Variants in AUTS2 observed in about 807,000 individuals in gnomAD.
AUTS2 encodes the protein autism susceptibility gene 2 protein.
Under a neutral mutation model 112.4 loss-of-function variants are expected in AUTS2, and 17 were observed. The observed-to-expected ratio is 0.15, with a 90% CI of 0.10 to 0.23. AUTS2 has a LOEUF of 0.23. Among genes scored for constraint, AUTS2 ranks in the 10% least tolerant of loss-of-function variants. The pLI is 1.00. For missense variants in AUTS2, 1,510 were observed against 1,701.6 expected, an observed-to-expected ratio of 0.89 and a Z score of 1.98; for synonymous variants, 751 against 702.7, an observed-to-expected ratio of 1.07 and a Z score of -1.09.
chr7:70,123,525 A>G (rs1443396970), intron 3 of AUTS2, among the ~76,000 whole-genome samples: 4 of 151,950 alleles, frequency 2.6e-5, no homozygotes, highest in Non-Finnish European at 5.9e-5. Context: ...AGCAGACCCT[A>G]GTGTCTGTTG....
chr7:70,027,774 A>C (rs1800586326), intron 2 of AUTS2, among the ~76,000 whole-genome samples: 1 of 152,154 alleles, frequency 6.6e-6, no homozygotes, highest in South Asian at 2.1e-4. Flanking sequence ...TTCTTTACCT[A>C]ATCTATGCAG....
intron 2 of AUTS2, among the ~76,000 whole-genome samples, chr7:69,900,273 G>C (rs970350428): frequency 6.6e-6 from 1 of 152,174 alleles, no homozygotes. Context: ...CCTGTGTCCT[G>C]GGTGTGTTTT....
chr7:70,525,145 G>A (rs1799790551), intron 5 of AUTS2, among the ~76,000 whole-genome samples: 1 of 152,190 alleles, frequency 6.6e-6, no homozygotes, highest in South Asian at 2.1e-4. Context: ...GCACCTGCCT[G>A]TACCTCCAGG....
At chr7:70,675,190 C>T (rs1012828265) in intron 5 of AUTS2, among the ~76,000 whole-genome samples, 10 of 152,088 alleles carry the variant, frequency 6.6e-5, no homozygotes, top group Admixed American at 2.6e-4. Flanking sequence ...GCAGAAAATC[C>T]GTATTTCAGA....
chr7:69,979,333 C>T (rs1248470334), intron 2 of AUTS2, among the ~76,000 whole-genome samples: 1 of 152,198 alleles, frequency 6.6e-6, no homozygotes, highest in Non-Finnish European at 1.5e-5. Flanking sequence ...AGGACTTGAT[C>T]TTTCTATCCT....
Position 70,134,562 on chromosome 7 carries a change from A to T in AUTS2, c.651A>T (p.Thr217=). 1 of 1,613,846 alleles carries T rather than the reference A, an allele frequency of 6.2e-7. No individual in the cohort carries two copies. The highest frequency in any genetic ancestry group is 1.7e-5 in the Admixed American group (1 of 60,006). Residue 217 remains threonine (T), a synonymous_variant, in exon 4 of 19, where the codon ACA becomes ACT. Coordinates refer to ENST00000342771, the MANE Select transcript of AUTS2 (RefSeq NM_015570.4). Reference sequence around the variant, plus strand: ...GTTCAGCTCCTTCCAGCTTGGGAACAGGCTACTTCGTAAGTCTATCTCAAC... The same window carrying T: ...GTTCAGCTCCTTCCAGCTTGGGAACTGGCTACTTCGTAAGTCTATCTCAAC... ...SDSSAPSSLG[T]GYFCDSDSDQ...
intron 6 of AUTS2, among the ~76,000 whole-genome samples, chr7:70,741,538 A>G (rs139687748): frequency 0.011 from 1,733 of 152,060 alleles, 25 homozygotes; most frequent in African/African-American, 0.039. Context: ...CTAAAAATAC[A>G]AAATTATCCG....
chr7:70,183,745 C>G (rs1157158965), intron 4 of AUTS2, among the ~76,000 whole-genome samples: 2 of 152,044 alleles, frequency 1.3e-5, no homozygotes, highest in African/African-American at 4.8e-5. Context: ...CCATTTCACT[C>G]TAAATAGCCC....
chr7:70,159,098 G>C (rs1807942437), intron 4 of AUTS2, among the ~76,000 whole-genome samples: 3 of 152,074 alleles, frequency 2.0e-5, no homozygotes, highest in Admixed American at 1.3e-4. Flanking sequence ...TCTCCTCTCT[G>C]AACATTGATG....
intron 1 of AUTS2, among the ~76,000 whole-genome samples, chr7:69,606,664 G>A (rs1217379038): frequency 2.0e-5 from 3 of 152,186 alleles, no homozygotes; most frequent in East Asian, 3.9e-4. Context: ...TAATGGGAGA[G>A]CAACTGTTAA....
intron 13 of AUTS2, chr7:70,776,898 G>A (rs1035793128): frequency 9.8e-6 from 6 of 612,110 alleles, no homozygotes; most frequent in South Asian, 1.9e-5. Context: ...GCAAACCCAC[G>A]TGGGGAGAGA....
At chr7:70,143,250 T>C (rs1806954398) in intron 4 of AUTS2, among the ~76,000 whole-genome samples, 1 of 152,190 alleles carries the variant, frequency 6.6e-6, no homozygotes, top group Admixed American at 6.5e-5. Context: ...TATTGGAGGC[T>C]TAGATAGTTT....
chr7:69,675,448 A>G (rs1331886566), intron 1 of AUTS2, among the ~76,000 whole-genome samples: 2 of 146,490 alleles, frequency 1.4e-5, no homozygotes, highest in Non-Finnish European at 3.0e-5. Flanking sequence ...ATCCTTCTCC[A>G]CCCAGCAGAA....
intron 2 of AUTS2, among the ~76,000 whole-genome samples, chr7:70,083,321 G>A (rs569037804): frequency 2.4e-4 from 36 of 152,188 alleles, no homozygotes; most frequent in Admixed American, 7.9e-4. Context: ...TGGTGGAGGC[G>A]GCAAATAGTG....
chr7:70,187,589 A>T (rs10276912), intron 4 of AUTS2, among the ~76,000 whole-genome samples: 1 of 152,168 alleles, frequency 6.6e-6, no homozygotes, highest in African/African-American at 2.4e-5. Flanking sequence ...TCAGTTTTCC[A>T]TGAGGGAAGA....
chr7:70,475,764 G>T (rs1029882700), intron 5 of AUTS2, among the ~76,000 whole-genome samples: 5 of 152,280 alleles, frequency 3.3e-5, no homozygotes, highest in East Asian at 3.9e-4. Flanking sequence ...AGCGGCCAGG[G>T]ACCATGGCTT....
At position 69,723,463 on chromosome 7, in the gene AUTS2, C is replaced by T. The variant is rs1299075490; in HGVS notation, c.309+123501C>T. Among the ~76,000 whole-genome samples, 8 of 152,160 alleles carry T rather than the reference C, an allele frequency of 5.3e-5. No homozygotes were observed. The South Asian group carries it at 1.5e-3, about 28-fold the overall frequency. On this transcript the variant is annotated intron_variant, in intron 1 of 18. Coordinates refer to ENST00000342771, the MANE Select transcript of AUTS2 (RefSeq NM_015570.4). Reference sequence around the variant, plus strand: ...AATGCCTAGGTCCCAATTCAAGCTTCACCATTATTAGCTATATGACCATTA... The same window carrying T: ...AATGCCTAGGTCCCAATTCAAGCTTTACCATTATTAGCTATATGACCATTA...
rs1249072329 is a variant in AUTS2, at chr7:70,760,287, G to C, written c.743-2583G>C. Among the ~76,000 whole-genome samples, 7 of 152,356 alleles carry C rather than the reference G, an allele frequency of 4.6e-5. No homozygotes were observed. In the East Asian group the frequency reaches 1.2e-3, roughly 25 times the overall value. ...CCCAAAGTGCTGGGATTACAGGCGT[G>C]AGCCACCGCACCCGGCCTACAAAAA... On this transcript the variant is annotated intron_variant, in intron 6 of 18. Coordinates refer to ENST00000342771, the MANE Select transcript of AUTS2 (RefSeq NM_015570.4).
chr7:70,193,032 C>T (rs1562778234), intron 4 of AUTS2, among the ~76,000 whole-genome samples: 2 of 152,272 alleles, frequency 1.3e-5, no homozygotes, highest in South Asian at 4.1e-4. Flanking sequence ...AGAAGAAAAC[C>T]ACATGGTAAA....
Sources: gnomAD v4.1 joint callset for allele counts (sites outside exome capture counted in the v4.1 genomes callset) on GRCh38, gnomAD v4.1.1 for gene constraint, MANE v1.5 for transcripts, NCBI Gene and HGNC (gene_info 2026-07-23, HGNC 2026-07-21) for gene names.